RHOU: variants seen among roughly 807,000 people sequenced by gnomAD.
RHOU encodes rho-related GTP-binding protein RhoU.
RHOU carries 8 observed loss-of-function variants against 12.6 expected under a neutral mutation model. The ratio of observed to expected loss-of-function variants is 0.64; its 90% confidence interval spans 0.37 to 1.15. The LOEUF (loss-of-function observed/expected upper bound fraction) is 1.15. RHOU is among the 50% of genes most tolerant of loss of function. RHOU has a pLI of 0.01. For synonymous variants in RHOU, 161 were observed against 147.4 expected (o/e 1.09, Z -0.67); for missense variants, 258 against 347.0 (o/e 0.74, Z 2.04).
At chr1:228,710,705 T>C in the RHOU span, among the ~76,000 whole-genome samples, 19 of 150,372 alleles carry the variant, frequency 1.3e-4, no homozygotes, top group South Asian at 8.4e-4. Flanking sequence ...GCCAATATCA[T>C]ACTGAATGGG....
the RHOU span, among the ~76,000 whole-genome samples, chr1:228,676,411 G>A: frequency 2.9e-4 from 44 of 152,224 alleles, no homozygotes; most frequent in African/African-American, 1.0e-3. Context: ...TAGCACTTTG[G>A]ATTTTGGGAG....
upstream of RHOU, among the ~76,000 whole-genome samples, chr1:228,731,843 A>G (rs1558083877): frequency 6.6e-6 from 1 of 152,158 alleles, no homozygotes; most frequent in Admixed American, 6.5e-5. Flanking sequence ...CAAGATCTTA[A>G]GAACGGAAAT....
the RHOU span, among the ~76,000 whole-genome samples, chr1:228,712,947 A>C: frequency 0.016 from 2,365 of 151,970 alleles, 39 homozygotes; most frequent in Middle Eastern, 0.065. Flanking sequence ...ACCTAGTCGG[A>C]TATCTGAGTC....
the RHOU span, chr1:228,650,397 C>T: frequency 2.0e-5 from 9 of 457,638 alleles, no homozygotes; most frequent in South Asian, 7.7e-5. Context: ...CACTGGTGTG[C>T]GCCAGCCCGG....
chr1:228,648,818 C>T, the RHOU span, among the ~76,000 whole-genome samples: 1 of 151,906 alleles, frequency 6.6e-6, no homozygotes, highest in Non-Finnish European at 1.5e-5. Flanking sequence ...TTCATATAGT[C>T]TGAAATTTGT....
the RHOU span, among the ~76,000 whole-genome samples, chr1:228,655,636 C>T: frequency 1.3e-5 from 2 of 152,198 alleles, no homozygotes; most frequent in Admixed American, 6.5e-5. Context: ...TTTTGCTAGT[C>T]GCGATTCATT....
At chr1:228,729,425 G>A in the RHOU span, among the ~76,000 whole-genome samples, 4 of 152,010 alleles carry the variant, frequency 2.6e-5, no homozygotes, top group Non-Finnish European at 5.9e-5. Flanking sequence ...GCCATTATAC[G>A]CATTTGTTCA....
the RHOU span, among the ~76,000 whole-genome samples, chr1:228,699,423 G>A: frequency 7.4e-6 from 1 of 134,892 alleles, no homozygotes; most frequent in South Asian, 2.4e-4. Flanking sequence ...ATTCCAGCCT[G>A]GGTGACCGAG....
chr1:228,743,272 T>G lies in RHOU; in HGVS notation c.322-13T>G, dbSNP rs760867756. On this transcript the variant is annotated splice_polypyrimidine_tract_variant and intron_variant, in intron 2 of 2. Coordinates refer to ENST00000366691, the MANE Select transcript of RHOU (RefSeq NM_021205.6). This position sits in a 1 kb window ranked among gnomAD's most constrained non-coding sequence, Gnocchi z 5.1. The stretch of plus-strand genomic sequence containing the variant: ...ATGAAAACATAACTTTTGGGTACTT[T>G]GCTTGGTTGCAGGATGAATTTGACA... 1.2e-6 allele frequency: 2 copies of G among 1,608,254 alleles called. No individual in the cohort carries two copies. Among genetic ancestry groups the G allele is most frequent in the African/African-American group, 2.7e-5 (2 of 74,786 alleles).
the RHOU span, among the ~76,000 whole-genome samples, chr1:228,659,944 C>A: frequency 1.6e-5 from 2 of 124,510 alleles, no homozygotes; most frequent in Middle Eastern, 4.9e-3. Flanking sequence ...CATGGTAAAA[C>A]CTGGTCTCTA....
the RHOU span, chr1:228,650,240 C>A: frequency 2.2e-6 from 1 of 457,604 alleles, no homozygotes; most frequent in Admixed American, 2.3e-5. Flanking sequence ...CTGTGGAGTA[C>A]GTGGCGCTGG....
the RHOU span, among the ~76,000 whole-genome samples, chr1:228,690,170 T>C: frequency 1.9e-5 from 2 of 102,730 alleles, no homozygotes; most frequent in Non-Finnish European, 4.7e-5. Context: ...AGATTTGTTT[T>C]GTTTGTTTGT....
the RHOU span, among the ~76,000 whole-genome samples, chr1:228,691,199 G>T: frequency 6.6e-6 from 1 of 151,918 alleles, no homozygotes; most frequent in Admixed American, 6.6e-5. Context: ...CTCACTATCA[G>T]CATTTCCTAC....
At chr1:228,719,187 A>AT in the RHOU span, among the ~76,000 whole-genome samples, 505 of 152,254 alleles carry the variant, frequency 3.3e-3, 9 homozygotes, top group Admixed American at 0.031. Context: ...TTCCTGTATC[A>AT]TTTTGCTTTC....
rs1662667352 is a variant in RHOU at position 228,738,967 on chromosome 1, T to C, written c.321+1236T>C. 6.6e-6 allele frequency among the ~76,000 whole-genome samples: 1 copy of C among 151,780 alleles called. No homozygotes were observed. Among genetic ancestry groups the C allele is most frequent in the Non-Finnish European group, 1.5e-5 (1 of 67,962 alleles). ...CATCATCTCTACAAAATAAAAAAAT[T>C]AGCCTGGTGTGGTGGCACTGTCTGT... On this transcript the variant is annotated intron_variant, in intron 2 of 2. Coordinates refer to ENST00000366691, the MANE Select transcript of RHOU (RefSeq NM_021205.6). This position sits in a 1 kb window ranked among gnomAD's most constrained non-coding sequence, Gnocchi z 4.2.
At chr1:228,704,899 T>A in the RHOU span, among the ~76,000 whole-genome samples, 1 of 151,416 alleles carries the variant, frequency 6.6e-6, no homozygotes, top group Non-Finnish European at 1.5e-5. Context: ...ACCTCCTGGG[T>A]TCGTGATTCT....
chr1:228,677,051 G>A, the RHOU span, among the ~76,000 whole-genome samples: 1 of 152,072 alleles, frequency 6.6e-6, no homozygotes, highest in African/African-American at 2.4e-5. Flanking sequence ...GTGTTGGGGC[G>A]GTGAAAATTT....
chr1:228,718,336 C>T, the RHOU span, among the ~76,000 whole-genome samples: 1,938 of 152,298 alleles, frequency 0.013, 11 homozygotes, highest in East Asian at 0.028. Context: ...GTTTGGACAG[C>T]TTGGGAAGTA....
the RHOU span, among the ~76,000 whole-genome samples, chr1:228,712,885 G>C: frequency 2.6e-3 from 388 of 150,884 alleles, 1 homozygote; most frequent in African/African-American, 9.0e-3. Context: ...AATACCCAAA[G>C]CTGGAGTTTG....
Sources: gnomAD v4.1 joint callset for allele counts (sites outside exome capture counted in the v4.1 genomes callset) on GRCh38, gnomAD v4.1.1 for gene constraint, Gnocchi (gnomAD v3.1) non-coding constraint, MANE v1.5 for transcripts, NCBI Gene and HGNC (gene_info 2026-07-23, HGNC 2026-07-21) for gene names.